CD99: variants seen among roughly 807,000 people sequenced by gnomAD.
CD99 encodes the protein CD99 antigen.
CD99 carries 19 observed loss-of-function variants against 28.4 expected under a neutral mutation model. The observed-to-expected ratio is 0.67, with a 90% CI of 0.47 to 0.98. The LOEUF (loss-of-function observed/expected upper bound fraction) is 0.98, where lower values mean the gene tolerates loss of function less well. Among genes scored for constraint, CD99 ranks in the 50% least tolerant of loss-of-function variants. The pLI is 0.00. For missense variants in CD99, 283 were observed against 248.8 expected (o/e 1.14, Z -0.92); for synonymous variants, 103 against 92.1 (o/e 1.12, Z -0.67).
intron 8 of CD99, among the ~76,000 whole-genome samples, chrX:2,735,683 T>C (rs1181641513): frequency 6.6e-6 from 1 of 152,220 alleles, no homozygotes; most frequent in Non-Finnish European, 1.5e-5. Flanking sequence ...TGCTGCAAAA[T>C]GCACCCGTGT....
At chrX:2,729,719 C>T (rs1280493567) in intron 8 of CD99, among the ~76,000 whole-genome samples, 4 of 152,138 alleles carry the variant, frequency 2.6e-5, no homozygotes, top group Non-Finnish European at 5.9e-5. Flanking sequence ...ACAACTTTTC[C>T]TCTACCTTAT....
At chrX:2,726,807 G>A (rs1367802160) in intron 8 of CD99, among the ~76,000 whole-genome samples, 7 of 145,742 alleles carry the variant, frequency 4.8e-5, no homozygotes, top group East Asian at 3.9e-4. Context: ...CCAGGGGGCC[G>A]CCACGGTCCT....
At chrX:2,717,175 C>T (rs1161835331) in intron 2 of CD99, among the ~76,000 whole-genome samples, 2 of 152,006 alleles carry the variant, frequency 1.3e-5, no homozygotes, top group East Asian at 1.9e-4. Context: ...GGTGAAACCC[C>T]ATCTCTGCTA....
chrX:2,695,812 T>G (rs1264312390), intron 1 of CD99, among the ~76,000 whole-genome samples: 1 of 152,016 alleles, frequency 6.6e-6, no homozygotes, highest in Admixed American at 6.6e-5. Context: ...TTTTGTATTT[T>G]TAGTAGAGAC....
intron 1 of CD99, among the ~76,000 whole-genome samples, chrX:2,709,385 C>G (rs1425347103): frequency 6.6e-6 from 1 of 152,226 alleles, no homozygotes; most frequent in Non-Finnish European, 1.5e-5. Context: ...CACCCTCACA[C>G]ATATGCACAC....
chrX:2,740,439 A>C (rs1603299079), intron 9 of CD99, among the ~76,000 whole-genome samples: 1 of 152,316 alleles, frequency 6.6e-6, no homozygotes, highest in South Asian at 2.1e-4. Flanking sequence ...GCATCATTGC[A>C]AATCAATAAA....
At chrX:2,723,197 G>A (rs2049088451) in intron 6 of CD99, 117 bp from the exon 7 acceptor site, 3 of 1,027,532 alleles carry the variant, frequency 2.9e-6, no homozygotes, top group African/African-American at 1.6e-5. Context: ...CTGTAGCTGG[G>A]TAACATGTAC....
intron 1 of CD99, among the ~76,000 whole-genome samples, chrX:2,694,060 C>G (rs2124452634): frequency 6.6e-6 from 1 of 152,306 alleles, no homozygotes; most frequent in South Asian, 2.1e-4. Context: ...TCAGGGCTGC[C>G]CCTGCAGTTA....
chrX:2,709,232 A>G (rs1447434768), intron 1 of CD99, among the ~76,000 whole-genome samples: 1 of 152,102 alleles, frequency 6.6e-6, no homozygotes, highest in Non-Finnish European at 1.5e-5. Flanking sequence ...CCATGCATAT[A>G]TGCATGCATG....
At chrX:2,701,906 G>C (rs2047882304) in intron 1 of CD99, among the ~76,000 whole-genome samples, 1 of 152,348 alleles carries the variant, frequency 6.6e-6, no homozygotes, top group Admixed American at 6.5e-5. Context: ...GTTAAAATCT[G>C]TAACAGGTCC....
intron 1 of CD99, among the ~76,000 whole-genome samples, chrX:2,703,919 G>T (rs936774017): frequency 1.3e-5 from 2 of 152,068 alleles, no homozygotes; most frequent in African/African-American, 2.4e-5. Flanking sequence ...CTGTGGAAGG[G>T]GTGACAGGGA....
At position 2,737,579 on chromosome X, in the gene CD99, C is replaced by T. The variant is rs191472668; in HGVS notation, c.476-621C>T. Among the ~76,000 whole-genome samples the T allele has an allele frequency of 2.0e-4, 30 of 151,726 alleles. No individual in the cohort carries two copies. The East Asian group carries it at 5.8e-3, about 29-fold the overall frequency. On this transcript the variant is annotated intron_variant, in intron 8 of 9. Coordinates refer to ENST00000381192, the MANE Select transcript of CD99 (RefSeq NM_002414.5). Reference sequence around the variant, plus strand: ...GTGTGATCTCGGCTCACTGCAACCTCCACCTCCTGGGTTCAAACGATCCTC... The same window carrying T: ...GTGTGATCTCGGCTCACTGCAACCTTCACCTCCTGGGTTCAAACGATCCTC...
chrX:2,729,137 C>G (rs909839449), intron 8 of CD99, among the ~76,000 whole-genome samples: 4 of 152,140 alleles, frequency 2.6e-5, no homozygotes, highest in Non-Finnish European at 4.4e-5. Context: ...CACCCGGCCT[C>G]TTTTTTAGAA....
chrX:2,702,989 G>A (rs2047936102), intron 1 of CD99, among the ~76,000 whole-genome samples: 1 of 151,980 alleles, frequency 6.6e-6, no homozygotes, highest in Non-Finnish European at 1.5e-5. Context: ...GGGTTTCACC[G>A]TGTTGGCCAG....
In CD99 at chrX:2,715,691, A is replaced by C. The variant is rs1223757994; in HGVS notation, c.100+1237A>C. The C allele has an allele frequency of 2.0e-5, 3 of 149,252 alleles. No individual in the cohort carries two copies. In the East Asian group the frequency reaches 6.1e-4, roughly 30 times the overall value. The allele number at this position is 149,252 out of a possible 1,614,324, so 9.2% of individuals were successfully genotyped here. ...CGGGGACCACTGCTCAATCCACTGC[A>C]GTTATATCCAGTTCTTTTTGGTGGC... On this transcript the variant is annotated intron_variant, in intron 2 of 9. Transcript: ENST00000381192.
chrX:2,720,823 C>T (rs996159208), intron 5 of CD99, among the ~76,000 whole-genome samples: 34 of 151,866 alleles, frequency 2.2e-4, no homozygotes, highest in Admixed American at 7.9e-4. Context: ...CAGGGTTTTG[C>T]CATGTTGGCC....
intron 1 of CD99, among the ~76,000 whole-genome samples, chrX:2,713,085 C>G (rs311068): frequency 0.025 from 3,736 of 151,496 alleles, 103 homozygotes; most frequent in East Asian, 0.066. Flanking sequence ...GACACATGCA[C>G]ACATGCACAT....
chrX:2,738,887 G>A (rs1037614279), intron 9 of CD99, among the ~76,000 whole-genome samples: 9 of 151,472 alleles, frequency 5.9e-5, no homozygotes, highest in South Asian at 2.1e-4. Context: ...TCACTCTGTC[G>A]CCCAGGCTGG....
intron 1 of CD99, among the ~76,000 whole-genome samples, chrX:2,712,647 TC>T (rs976464138): frequency 1.6e-4 from 25 of 152,230 alleles, no homozygotes; most frequent in African/African-American, 5.8e-4. Flanking sequence ...AACAGCCATT[TC>T]AGGGCTCTGA....
Sources: allele counts gnomAD v4.1 joint callset (sites outside exome capture counted in the v4.1 genomes callset), GRCh38; gene constraint gnomAD v4.1.1; transcripts MANE v1.5; gene names NCBI Gene and HGNC (gene_info 2026-07-23, HGNC 2026-07-21).